Variants in IL1RAPL2 observed in about 807,000 individuals in gnomAD.
The protein encoded by IL1RAPL2 is X-linked interleukin-1 receptor accessory protein-like 2.
In IL1RAPL2, 3 loss-of-function variants were observed where a neutral mutation model predicts 44.1. The ratio of observed to expected loss-of-function variants is 0.07; its 90% CI spans 0.03 to 0.18. IL1RAPL2 has a LOEUF of 0.18. IL1RAPL2 is among the 10% of genes least tolerant of loss of function. The pLI, the probability that IL1RAPL2 is intolerant of heterozygous loss-of-function variation, is 1.00. For synonymous variants in IL1RAPL2, 181 were observed against 178.8 expected, an observed-to-expected ratio of 1.01 and a Z score of -0.10; for missense variants, 391 against 496.4, an observed-to-expected ratio of 0.79 and a Z score of 2.02.
At chrX:105,625,073 A>G (rs1012644122) in intron 6 of IL1RAPL2, among the ~76,000 whole-genome samples, 6 of 112,139 alleles carry the variant, frequency 5.4e-5, no homozygotes, top group Non-Finnish European at 1.1e-4. Flanking sequence ...GGACATAGAT[A>G]TATTGTTTGG....
At chrX:105,570,604 A>G (rs1427765794) in intron 6 of IL1RAPL2, among the ~76,000 whole-genome samples, 2 of 111,730 alleles carry the variant, frequency 1.8e-5, no homozygotes, top group African/African-American at 6.5e-5. Context: ...CCACACCAAC[A>G]TCTATTTTTT....
chrX:105,679,871 T>A (rs367773764), intron 6 of IL1RAPL2, among the ~76,000 whole-genome samples: 4 of 112,189 alleles, frequency 3.6e-5, no homozygotes, highest in South Asian at 7.5e-4. Context: ...CTTCTTAAGT[T>A]TATTTTGATG....
intron 2 of IL1RAPL2, among the ~76,000 whole-genome samples, chrX:105,061,284 A>G (rs1401942465): frequency 6.3e-5 from 7 of 111,594 alleles, no homozygotes; most frequent in Non-Finnish European, 9.4e-5. Context: ...TCTTCTTAAT[A>G]TCTTCATTGA....
At chrX:105,386,349 G>A (rs926811771) in intron 5 of IL1RAPL2, among the ~76,000 whole-genome samples, 4 of 111,415 alleles carry the variant, frequency 3.6e-5, no homozygotes, top group African/African-American at 1.3e-4. Context: ...AAAAGTGCAG[G>A]TTTGTTTGAG....
intron 2 of IL1RAPL2, among the ~76,000 whole-genome samples, chrX:104,998,188 G>T (rs1047139679): frequency 1.8e-5 from 2 of 111,600 alleles, no homozygotes; most frequent in Non-Finnish European, 3.8e-5. Flanking sequence ...TATAGAAAGT[G>T]TTACTTTAAG....
At chrX:105,260,271 G>A (rs1484554224) in intron 4 of IL1RAPL2, among the ~76,000 whole-genome samples, 4 of 112,283 alleles carry the variant, frequency 3.6e-5, no homozygotes, top group African/African-American at 6.5e-5. Flanking sequence ...CAAGGATGAC[G>A]GCCCAGCCCT....
intron 6 of IL1RAPL2, among the ~76,000 whole-genome samples, chrX:105,525,559 G>T (rs777699113): frequency 1.8e-5 from 2 of 111,068 alleles, no homozygotes; most frequent in African/African-American, 6.5e-5. Context: ...ATACTTCAGC[G>T]TTTATGTCTA....
At chrX:105,491,194 ATTTTTTAT>A (rs1329811055) in intron 6 of IL1RAPL2, among the ~76,000 whole-genome samples, 1 of 111,467 alleles carries the variant, frequency 9.0e-6, no homozygotes, top group East Asian at 2.8e-4. Context: ...GAATTATTGT[ATTTTTTAT>A]TTTTTTATTT....
chrX:105,435,830 G>C (rs748395481), intron 5 of IL1RAPL2, among the ~76,000 whole-genome samples: 2 of 111,105 alleles, frequency 1.8e-5, no homozygotes, highest in Non-Finnish European at 3.8e-5. Flanking sequence ...CTCATAAGTG[G>C]CAATTGAACA....
intron 2 of IL1RAPL2, among the ~76,000 whole-genome samples, chrX:105,073,796 A>C (rs2032245670): frequency 8.9e-6 from 1 of 111,983 alleles, no homozygotes; most frequent in South Asian, 3.7e-4. Flanking sequence ...GCCAGTGATG[A>C]TGAGCATTTT....
At chrX:105,727,559 T>G (rs1236841057) in intron 7 of IL1RAPL2, among the ~76,000 whole-genome samples, 1 of 111,516 alleles carries the variant, frequency 9.0e-6, no homozygotes, top group East Asian at 2.8e-4. Flanking sequence ...TTGAAGAGTA[T>G]AAACTCTCTG....
At chrX:105,252,676 G>C (rs905331575) in intron 4 of IL1RAPL2, among the ~76,000 whole-genome samples, 1 of 111,461 alleles carries the variant, frequency 9.0e-6, no homozygotes, top group Non-Finnish European at 1.9e-5. Context: ...TCTGATCATA[G>C]GATGCTACTT....
intron 5 of IL1RAPL2, among the ~76,000 whole-genome samples, chrX:105,350,750 G>T (rs1391690160): frequency 6.3e-5 from 7 of 111,805 alleles, no homozygotes; most frequent in African/African-American, 2.3e-4. Context: ...AAAAGCAATG[G>T]CAACAAAAGC....
intron 5 of IL1RAPL2, among the ~76,000 whole-genome samples, chrX:105,376,881 T>A (rs2035391440): frequency 8.9e-6 from 1 of 112,453 alleles, no homozygotes; most frequent in Non-Finnish European, 1.9e-5. Flanking sequence ...CCAAATCAGC[T>A]ATGCCATTCA....
chrX:105,043,351 T>C (rs2031785544), intron 2 of IL1RAPL2, among the ~76,000 whole-genome samples: 2 of 110,508 alleles, frequency 1.8e-5, no homozygotes, highest in South Asian at 4.0e-4. Flanking sequence ...GGGATAGATA[T>C]GTTGGCTCAC....
chrX:105,347,238 C>T (rs1306936978), intron 5 of IL1RAPL2, among the ~76,000 whole-genome samples: 1 of 111,641 alleles, frequency 9.0e-6, no homozygotes, highest in Non-Finnish European at 1.9e-5. Context: ...TACCCTAAGC[C>T]AATTGCACAC....
intron 2 of IL1RAPL2, among the ~76,000 whole-genome samples, chrX:105,159,886 G>C (rs1187740649): frequency 1.3e-4 from 14 of 110,400 alleles, no homozygotes; most frequent in Non-Finnish European, 2.6e-4. Flanking sequence ...TTTAAAATTC[G>C]TGTAGCCCAG....
At chrX:104,639,532 T>C (rs1929892229) in intron 1 of IL1RAPL2, among the ~76,000 whole-genome samples, 1 of 111,759 alleles carries the variant, frequency 8.9e-6, no homozygotes, top group African/African-American at 3.2e-5. Context: ...TTTGGCATTG[T>C]GGTTTGGTAG....
At chrX:105,339,952 G>C (rs188614513) in intron 5 of IL1RAPL2, among the ~76,000 whole-genome samples, 15 of 111,693 alleles carry the variant, frequency 1.3e-4, no homozygotes, top group African/African-American at 4.9e-4. Context: ...GTTTGACTTG[G>C]TGTGCACATT....
Sources: gnomAD v4.1 joint callset for allele counts (sites outside exome capture counted in the v4.1 genomes callset) on GRCh38, gnomAD v4.1.1 for gene constraint, MANE v1.5 for transcripts, NCBI Gene and HGNC (gene_info 2026-07-23, HGNC 2026-07-21) for gene names.